Variants in RGS7 observed in about 807,000 individuals in gnomAD.
RGS7 encodes regulator of G-protein signaling 7.
In RGS7, 27 loss-of-function variants were observed where a neutral mutation model predicts 81.1. The ratio of observed to expected loss-of-function variants is 0.33; its 90% CI spans 0.25 to 0.46. RGS7 has a LOEUF of 0.46. RGS7 is among the 20% of genes least tolerant of loss of function. The probability of loss-of-function intolerance (pLI) is 1.00; values close to 1 mark genes in which losing one functional copy is unlikely to be tolerated. For missense variants in RGS7, 396 were observed against 607.4 expected (o/e 0.65, Z 3.66); for synonymous variants, 208 against 207.7 (o/e 1.00, Z -0.01).
intron 2 of RGS7, among the ~76,000 whole-genome samples, chr1:241,118,446 A>G (rs2066022230): frequency 6.6e-6 from 1 of 152,098 alleles, no homozygotes; most frequent in East Asian, 1.9e-4. Flanking sequence ...TCCCAAAGAG[A>G]TTTTTTTTAA....
At chr1:241,110,255 A>G (rs2065424389) in intron 2 of RGS7, among the ~76,000 whole-genome samples, 1 of 152,122 alleles carries the variant, frequency 6.6e-6, no homozygotes, top group Non-Finnish European at 1.5e-5. Context: ...TGGAAGTCCG[A>G]ATCAATAGTC....
chr1:240,902,119 C>T (rs1324814003), intron 6 of RGS7, among the ~76,000 whole-genome samples: 2 of 152,152 alleles, frequency 1.3e-5, no homozygotes, highest in Admixed American at 6.5e-5. Flanking sequence ...ATTGGTAAGA[C>T]AGAAGGTCTC....
At chr1:240,867,050 C>A (rs1243768966) in intron 9 of RGS7, among the ~76,000 whole-genome samples, 1 of 152,178 alleles carries the variant, frequency 6.6e-6, no homozygotes, top group Non-Finnish European at 1.5e-5. Context: ...AATGTCCTTG[C>A]AATAGCTATG....
intron 9 of RGS7, among the ~76,000 whole-genome samples, chr1:240,856,474 T>C (rs1661145821): frequency 6.6e-6 from 1 of 152,206 alleles, no homozygotes; most frequent in Non-Finnish European, 1.5e-5. Flanking sequence ...AACTGTGTAA[T>C]GCACAGATTT....
intron 2 of RGS7, among the ~76,000 whole-genome samples, chr1:241,118,015 C>A (rs1041096513): frequency 3.9e-5 from 6 of 152,158 alleles, no homozygotes; most frequent in Non-Finnish European, 5.9e-5. Flanking sequence ...CATGTGTATT[C>A]CAACATACAT....
At chr1:241,190,618 A>C (rs1393076187) in intron 2 of RGS7, among the ~76,000 whole-genome samples, 1 of 152,096 alleles carries the variant, frequency 6.6e-6, no homozygotes. Context: ...TTTGATTTTC[A>C]TGTGTTCATT....
intron 18 of RGS7, among the ~76,000 whole-genome samples, chr1:240,779,189 A>T (rs1430094752): frequency 6.6e-6 from 1 of 151,462 alleles, no homozygotes; most frequent in Non-Finnish European, 1.5e-5. Flanking sequence ...ATCTCGGGTC[A>T]CTGCAACCTC....
chr1:241,095,804 T>C (rs1349765193), intron 3 of RGS7, among the ~76,000 whole-genome samples: 1 of 152,194 alleles, frequency 6.6e-6, no homozygotes, highest in African/African-American at 2.4e-5. Flanking sequence ...TCCTAGCTAT[T>C]TGAAGCTACA....
intron 9 of RGS7, among the ~76,000 whole-genome samples, chr1:240,839,245 G>A (rs1021268274): frequency 3.9e-5 from 6 of 152,082 alleles, no homozygotes; most frequent in Admixed American, 2.6e-4. Flanking sequence ...TCTCTAATTC[G>A]TTGCTTGGTT....
intron 2 of RGS7, among the ~76,000 whole-genome samples, chr1:241,192,101 TA>T (rs965327049): frequency 1.3e-5 from 2 of 151,882 alleles, no homozygotes; most frequent in Admixed American, 1.3e-4. Flanking sequence ...GGTTATTATC[TA>T]AAAGCTCCAT....
chr1:240,835,563 C>A (rs1418617942), intron 9 of RGS7, among the ~76,000 whole-genome samples: 2 of 152,196 alleles, frequency 1.3e-5, no homozygotes, highest in Non-Finnish European at 2.9e-5. Context: ...ACCATTCGAT[C>A]CAGCAATCAT....
chr1:241,205,390 T>C (rs1457471652), intron 2 of RGS7, among the ~76,000 whole-genome samples: 3 of 151,798 alleles, frequency 2.0e-5, no homozygotes, highest in East Asian at 3.9e-4. Context: ...GCATTTGTCA[T>C]CATTTTTTAA....
At chr1:241,282,814 T>G (rs1209407299) in intron 2 of RGS7, among the ~76,000 whole-genome samples, 1 of 152,220 alleles carries the variant, frequency 6.6e-6, no homozygotes, top group African/African-American at 2.4e-5. Context: ...TTGTATAGAT[T>G]GATAGAATCA....
intron 2 of RGS7, among the ~76,000 whole-genome samples, chr1:241,213,330 C>T (rs1157356141): frequency 6.6e-6 from 1 of 152,142 alleles, no homozygotes; most frequent in African/African-American, 2.4e-5. Context: ...GAATGCGAAT[C>T]TCCTTTCAAG....
chr1:240,897,408 G>A (rs181168959), intron 6 of RGS7, among the ~76,000 whole-genome samples: 16 of 152,272 alleles, frequency 1.1e-4, no homozygotes, highest in African/African-American at 3.9e-4. Flanking sequence ...GTATGATATT[G>A]GCTGTGGGTC....
intron 2 of RGS7, among the ~76,000 whole-genome samples, chr1:241,100,374 CAAAAAAAAAAAA>C (rs753787286): frequency 2.5e-5 from 2 of 80,460 alleles, no homozygotes; most frequent in African/African-American, 8.4e-5. Context: ...GACTCCATTT[CAAAAAAAAAAAA>C]AAAAAAAAAA....
intron 4 of RGS7, among the ~76,000 whole-genome samples, chr1:240,944,734 A>G (rs1386073325): frequency 2.0e-5 from 3 of 152,158 alleles, no homozygotes; most frequent in African/African-American, 7.2e-5. Context: ...TTTTGTTTTG[A>G]GATGGAGTCT....
At position 240,789,516 on chromosome 1, in the gene RGS7, CA is replaced by C. The variant is rs1393282518; in HGVS notation, c.*6+11124del. Among the ~76,000 whole-genome samples the C allele has an allele frequency of 2.6e-5, 4 of 152,196 alleles. No individual in the cohort carries two copies. In the East Asian group the frequency reaches 7.7e-4, roughly 29 times the overall value. ...AATATCGCTGAATTCTTTTTCTCAG[CA>C]AGGAACATCCCTGAGAAACAGAATG... On this transcript the variant is annotated intron_variant, in intron 18 of 18. Transcript: ENST00000440928.
intron 2 of RGS7, among the ~76,000 whole-genome samples, chr1:241,245,014 G>A (rs1369549288): frequency 6.6e-6 from 1 of 151,140 alleles, no homozygotes; most frequent in Non-Finnish European, 1.5e-5. Flanking sequence ...GTTAAATGAC[G>A]AGTTAATGGG....
Sources: allele counts gnomAD v4.1 joint callset (sites outside exome capture counted in the v4.1 genomes callset), GRCh38; gene constraint gnomAD v4.1.1; transcripts MANE v1.5; gene names NCBI Gene and HGNC (gene_info 2026-07-23, HGNC 2026-07-21).